Variants in ADGRB3 observed in about 807,000 individuals in gnomAD.
ADGRB3 encodes brain-specific angiogenesis inhibitor 3.
In ADGRB3, 37 loss-of-function variants were observed where a neutral mutation model predicts 193.4. The observed-to-expected ratio is 0.19, with a 90% CI of 0.15 to 0.25. ADGRB3 has a LOEUF of 0.25. Among genes scored for constraint, ADGRB3 ranks in the 10% least tolerant of loss-of-function variants. ADGRB3 has a pLI of 1.00. For synonymous variants in ADGRB3, 690 were observed against 644.2 expected (o/e 1.07, Z -1.08); for missense variants, 1,637 against 1,852.9 (o/e 0.88, Z 2.14).
chr6:68,902,661 G>GTTA (rs1399396231), intron 3 of ADGRB3, among the ~76,000 whole-genome samples: 1 of 151,822 alleles, frequency 6.6e-6, no homozygotes, highest in African/African-American at 2.4e-5. Flanking sequence ...GCCTTATAGG[G>GTTA]ACTATAACTA....
At chr6:69,029,530 A>T (rs1004963800) in intron 13 of ADGRB3, among the ~76,000 whole-genome samples, 7 of 152,246 alleles carry the variant, frequency 4.6e-5, no homozygotes, top group Non-Finnish European at 7.3e-5. Flanking sequence ...ACATAGAATT[A>T]GGTTGCAAAC....
At chr6:69,363,637 G>A (rs1769501316) in intron 29 of ADGRB3, among the ~76,000 whole-genome samples, 1 of 151,970 alleles carries the variant, frequency 6.6e-6, no homozygotes, top group Non-Finnish European at 1.5e-5. Flanking sequence ...TTAGCATGAA[G>A]GTAACTTTAA....
chr6:69,068,473 T>C (rs949995042), intron 16 of ADGRB3, among the ~76,000 whole-genome samples: 1 of 152,166 alleles, frequency 6.6e-6, no homozygotes, highest in Non-Finnish European at 1.5e-5. Flanking sequence ...AAGACCCATT[T>C]GCTTGCTGAG....
intron 4 of ADGRB3, among the ~76,000 whole-genome samples, chr6:68,933,940 A>ATT (rs1373645779): frequency 1.3e-5 from 2 of 152,186 alleles, no homozygotes; most frequent in Admixed American, 6.5e-5. Context: ...AGATACATAT[A>ATT]TTAAAAACAG....
rs530593510 is a variant in ADGRB3 at position 68,839,799 on chromosome 6, G to A, written c.758-90760G>A. Among the ~76,000 whole-genome samples the A allele has an allele frequency of 1.6e-3, 244 of 152,290 alleles. 2 individuals are homozygous for A. Among genetic ancestry groups the A allele is most frequent in the Non-Finnish European group, 3.1e-3 (210 of 68,022 alleles). Reference sequence around the variant, plus strand: ...AGTTCATATTACTGAAAAAGGCACTGAAGACAGCAGGAAAGACAGTCTTGA... The same window carrying A: ...AGTTCATATTACTGAAAAAGGCACTAAAGACAGCAGGAAAGACAGTCTTGA... On this transcript the variant is annotated intron_variant, in intron 3 of 31. Transcript: ENST00000370598.
rs1177085848 is a variant in ADGRB3 at position 68,996,525 on chromosome 6, G to A, written c.1929+2563G>A. On this transcript the variant is annotated intron_variant, in intron 11 of 31. Transcript: ENST00000370598. ...CATATGTAGGTTACCTACCTTTCCA[G>A]CCTCATGTGTGGATTACTCTTTCTC... 2.0e-5 allele frequency among the ~76,000 whole-genome samples: 3 copies of A among 152,200 alleles called. No homozygotes were observed. In the East Asian group the frequency reaches 5.8e-4, roughly 29 times the overall value.
At chr6:68,802,160 AG>A (rs1457836223) in intron 3 of ADGRB3, among the ~76,000 whole-genome samples, 1 of 151,892 alleles carries the variant, frequency 6.6e-6, no homozygotes, top group Non-Finnish European at 1.5e-5. Flanking sequence ...CTTTTCCAAT[AG>A]AGTAAAATAA....
intron 3 of ADGRB3, among the ~76,000 whole-genome samples, chr6:68,828,063 GTA>G (rs201080367): frequency 6.6e-6 from 1 of 152,174 alleles, no homozygotes; most frequent in Non-Finnish European, 1.5e-5. Flanking sequence ...AACGCACATA[GTA>G]TACACTGAGT....
intron 3 of ADGRB3, among the ~76,000 whole-genome samples, chr6:68,656,285 T>C (rs1768488543): frequency 1.3e-5 from 2 of 151,548 alleles, no homozygotes; most frequent in Admixed American, 1.3e-4. Context: ...TGTAGTCCTT[T>C]GTATTTAGGA....
chr6:68,645,913 A>T (rs1768201166), intron 3 of ADGRB3, among the ~76,000 whole-genome samples: 1 of 151,758 alleles, frequency 6.6e-6, no homozygotes, highest in East Asian at 2.0e-4. Flanking sequence ...ACCTCAGGTG[A>T]TCCACCTGCC....
chr6:68,847,056 G>A (rs76048982), intron 3 of ADGRB3, among the ~76,000 whole-genome samples: 8 of 152,268 alleles, frequency 5.3e-5, no homozygotes, highest in African/African-American at 1.7e-4. Context: ...GGAGTCAAAG[G>A]TGATCATTTT....
Position 68,731,040 on chromosome 6 carries a change from G to A in ADGRB3, c.757+91608G>A, listed in dbSNP as rs1344911054. On this transcript the variant is annotated intron_variant, in intron 3 of 31. Transcript: ENST00000370598. ...AAAAAGAAATAAGGACTGCAGCCAAGCAACAAGCAAGTCTAATGTGTTTGA... is the reference window on the plus strand; with the variant it reads ...AAAAAGAAATAAGGACTGCAGCCAAACAACAAGCAAGTCTAATGTGTTTGA... Among the ~76,000 whole-genome samples, 3 of 151,546 alleles carry A rather than the reference G, an allele frequency of 2.0e-5. No individual in the cohort carries two copies. The Admixed American group carries it at 2.0e-4, about 10-fold the overall frequency.
chr6:69,303,862 G>A (rs2127297614), intron 20 of ADGRB3, among the ~76,000 whole-genome samples: 1 of 152,002 alleles, frequency 6.6e-6, no homozygotes, highest in South Asian at 2.1e-4. Flanking sequence ...TTCATGTGTA[G>A]CATAATAGTA....
At chr6:68,898,368 A>G (rs1766299582) in intron 3 of ADGRB3, among the ~76,000 whole-genome samples, 3 of 152,082 alleles carry the variant, frequency 2.0e-5, no homozygotes, top group African/African-American at 7.2e-5. Flanking sequence ...TGGTGAGGGA[A>G]AATCTCTTTA....
chr6:69,333,045 C>T, intron 24 of ADGRB3, 37 bp downstream of exon 24: 1 of 1,592,170 alleles, frequency 6.3e-7, no homozygotes, highest in Non-Finnish European at 8.6e-7. Flanking sequence ...GGTTATTTAT[C>T]AGTGAATCCC....
At chr6:68,803,122 T>C (rs1436783772) in intron 3 of ADGRB3, among the ~76,000 whole-genome samples, 2 of 152,192 alleles carry the variant, frequency 1.3e-5, no homozygotes, top group East Asian at 1.9e-4. Flanking sequence ...CCCTGGACCT[T>C]TCTTTAAGTT....
At chr6:68,855,658 G>GA (rs1251471844) in intron 3 of ADGRB3, among the ~76,000 whole-genome samples, 1 of 152,016 alleles carries the variant, frequency 6.6e-6, no homozygotes, top group Non-Finnish European at 1.5e-5. Flanking sequence ...AAGAACAATA[G>GA]AAAATCATTA....
chr6:69,271,200 A>G (rs963829446), intron 20 of ADGRB3, among the ~76,000 whole-genome samples: 1 of 152,218 alleles, frequency 6.6e-6, no homozygotes, highest in African/African-American at 2.4e-5. Flanking sequence ...CACAGTTAAC[A>G]TGGTTTTCAG....
At chr6:68,750,929 A>T (rs1766185837) in intron 3 of ADGRB3, among the ~76,000 whole-genome samples, 1 of 152,208 alleles carries the variant, frequency 6.6e-6, no homozygotes, top group Non-Finnish European at 1.5e-5. Context: ...TATATCTGGG[A>T]GTCCCAAGGA....
Sources: allele counts gnomAD v4.1 joint callset (sites outside exome capture counted in the v4.1 genomes callset), GRCh38; gene constraint gnomAD v4.1.1; transcripts MANE v1.5; gene names NCBI Gene and HGNC (gene_info 2026-07-23, HGNC 2026-07-21).